Variants in GRID1 observed in about 807,000 individuals in gnomAD.
GRID1 encodes the protein glutamate ionotropic receptor delta type subunit 1, also known as glutamate receptor ionotropic, delta-1.
In GRID1, 28 loss-of-function variants were observed where a neutral mutation model predicts 98.0. That is an observed-to-expected ratio of 0.29 (90% CI 0.21 to 0.39). The LOEUF (loss-of-function observed/expected upper bound fraction) is 0.39. GRID1 is among the 10% of genes least tolerant of loss of function. The probability of loss-of-function intolerance (pLI) is 1.00; values close to 1 mark genes in which losing one functional copy is unlikely to be tolerated. For missense variants in GRID1, 1,111 were observed against 1,340.5 expected, an observed-to-expected ratio of 0.83 and a Z score of 2.67; for synonymous variants, 553 against 538.5, an observed-to-expected ratio of 1.03 and a Z score of -0.37.
At chr10:86,153,380 T>C (rs933456273) in intron 3 of GRID1, among the ~76,000 whole-genome samples, 30 of 152,338 alleles carry the variant, frequency 2.0e-4, no homozygotes, top group African/African-American at 6.5e-4. Flanking sequence ...ACATAGCCAG[T>C]ATGGATTAAA....
intron 4 of GRID1, among the ~76,000 whole-genome samples, chr10:86,054,483 C>T (rs1329111257): frequency 6.6e-6 from 1 of 152,108 alleles, no homozygotes; most frequent in South Asian, 2.1e-4. Context: ...CAGTGTCCTG[C>T]CAACCCCCTT....
intron 8 of GRID1, among the ~76,000 whole-genome samples, chr10:85,854,233 C>T (rs1843086825): frequency 6.6e-6 from 1 of 152,188 alleles, no homozygotes; most frequent in African/African-American, 2.4e-5. Flanking sequence ...CTGATCCAAG[C>T]AGTAGGACCC....
intron 8 of GRID1, among the ~76,000 whole-genome samples, chr10:85,809,068 C>T (rs886521094): frequency 2.6e-5 from 4 of 151,780 alleles, no homozygotes; most frequent in South Asian, 2.1e-4. Context: ...TAAATACAGT[C>T]GAGAATTGTA....
At chr10:86,013,176 G>A (rs10887548) in intron 4 of GRID1, among the ~76,000 whole-genome samples, 76,590 of 151,990 alleles carry the variant, frequency 0.5, 19,483 homozygotes, top group East Asian at 0.61. Flanking sequence ...ATCTTCAGCA[G>A]TAAGATAAAC....
At chr10:86,077,505 G>A (rs1413408473) in intron 4 of GRID1, among the ~76,000 whole-genome samples, 2 of 152,184 alleles carry the variant, frequency 1.3e-5, no homozygotes, top group African/African-American at 4.8e-5. Flanking sequence ...TAAACCTAGT[G>A]CACTAGGGCT....
intron 4 of GRID1, among the ~76,000 whole-genome samples, chr10:86,043,994 T>C (rs1843384474): frequency 6.6e-6 from 1 of 152,222 alleles, no homozygotes; most frequent in African/African-American, 2.4e-5. Flanking sequence ...ATGTGCTCAA[T>C]AGTAAGAAAG....
chr10:85,606,217 C>G lies in GRID1; in HGVS notation c.2602-3516G>C, dbSNP rs993808895. The G allele has an allele frequency of 2.0e-5, 3 of 152,146 alleles. No homozygotes were observed. The East Asian group carries it at 5.8e-4, about 29-fold the overall frequency. 9.4% of individuals were successfully genotyped at this position (152,146 alleles called of 1,614,324 possible). ...AGCAGTTCTAAGGACTGCAAAGCTG[C>G]GCAGCGGGAACCAACTCCCTACTGC... On this transcript the variant is annotated intron_variant, in intron 15 of 15. Transcript: ENST00000327946.
At chr10:85,887,212 AC>A (rs901824977) in intron 5 of GRID1, among the ~76,000 whole-genome samples, 2 of 152,234 alleles carry the variant, frequency 1.3e-5, no homozygotes, top group African/African-American at 4.8e-5. Context: ...GGCAAGGCAG[AC>A]CAAGGCTCCA....
At chr10:86,250,678 G>A (rs540410608) in intron 2 of GRID1, among the ~76,000 whole-genome samples, 21 of 151,986 alleles carry the variant, frequency 1.4e-4, no homozygotes, top group African/African-American at 3.9e-4. Flanking sequence ...CGCCCAGTCC[G>A]GGAGGTGGGG....
intron 8 of GRID1, among the ~76,000 whole-genome samples, chr10:85,773,866 G>A (rs1269582315): frequency 2.0e-5 from 3 of 152,144 alleles, no homozygotes; most frequent in African/African-American, 7.2e-5. Context: ...TCATGGCTAG[G>A]AAGAATCAAT....
At chr10:86,141,188 G>T (rs549864215) in intron 3 of GRID1, among the ~76,000 whole-genome samples, 13 of 152,216 alleles carry the variant, frequency 8.5e-5, no homozygotes, top group African/African-American at 3.1e-4. Flanking sequence ...ACAATATGGT[G>T]CCTTACACCT....
intron 8 of GRID1, among the ~76,000 whole-genome samples, chr10:85,795,355 CT>C (rs910209482): frequency 6.6e-6 from 1 of 152,132 alleles, no homozygotes; most frequent in Admixed American, 6.5e-5. Flanking sequence ...GCAAAAGATT[CT>C]AAAAGGTGTT....
chr10:85,619,772 G>A (rs1842836389), intron 14 of GRID1, 95 bp downstream of exon 14: 4 of 912,952 alleles, frequency 4.4e-6, no homozygotes, highest in African/African-American at 3.3e-5. Context: ...GAACAAAGAT[G>A]TTTGCATTGG....
At chr10:86,096,697 A>G (rs1304165822) in intron 4 of GRID1, among the ~76,000 whole-genome samples, 1 of 152,206 alleles carries the variant, frequency 6.6e-6, no homozygotes, top group Non-Finnish European at 1.5e-5. Flanking sequence ...TTACCATGTT[A>G]CCCATCATCT....
intron 2 of GRID1, among the ~76,000 whole-genome samples, chr10:86,307,817 A>AT (rs1334280424): frequency 5.9e-5 from 9 of 152,316 alleles, no homozygotes; most frequent in African/African-American, 2.2e-4. Flanking sequence ...ATTGTCCATT[A>AT]TATCTAATAA....
chr10:86,017,837 G>A (rs1842999046), intron 4 of GRID1, among the ~76,000 whole-genome samples: 1 of 152,244 alleles, frequency 6.6e-6, no homozygotes, highest in South Asian at 2.1e-4. Flanking sequence ...GGGAGAGGAT[G>A]CAGGTCCAGC....
intron 3 of GRID1, among the ~76,000 whole-genome samples, chr10:86,175,642 G>A (rs1845564858): frequency 6.6e-6 from 1 of 152,142 alleles, no homozygotes; most frequent in South Asian, 2.1e-4. Context: ...AGTGCCCAGA[G>A]CTGTGCCTGG....
At chr10:85,694,436 C>A (rs904073446) in intron 12 of GRID1, among the ~76,000 whole-genome samples, 1 of 151,152 alleles carries the variant, frequency 6.6e-6, no homozygotes, top group Non-Finnish European at 1.5e-5. Context: ...CAACGGAAAA[C>A]AAATCACTAT....
intron 5 of GRID1, among the ~76,000 whole-genome samples, chr10:85,913,820 AATATT>A (rs1325249305): frequency 2.0e-5 from 3 of 152,170 alleles, no homozygotes; most frequent in African/African-American, 4.8e-5. Context: ...TAAAAAAAGA[AATATT>A]AGATGTTGTC....
Sources: gnomAD v4.1 joint callset for allele counts (sites outside exome capture counted in the v4.1 genomes callset) on GRCh38, gnomAD v4.1.1 for gene constraint, MANE v1.5 for transcripts, NCBI Gene and HGNC (gene_info 2026-07-23, HGNC 2026-07-21) for gene names.